Variants in DTWD2 observed in about 807,000 individuals in gnomAD.
The protein encoded by DTWD2 is DTW motif tRNA-uridine aminocarboxypropyltransferase 2.
A neutral mutation model predicts 31.8 loss-of-function variants in DTWD2; 39 were observed. The observed-to-expected ratio is 1.22, with a 90% CI of 0.95 to 1.60. The LOEUF (loss-of-function observed/expected upper bound fraction) is 1.60. DTWD2 is among the 40% of genes most tolerant of loss of function. DTWD2 has a pLI of 0.00. For missense variants in DTWD2, 515 were observed against 381.5 expected (o/e 1.35, Z -2.92); for synonymous variants, 180 against 142.8 (o/e 1.26, Z -1.86).
chr5:118,909,217 T>C (rs763196938), intron 4 of DTWD2, among the ~76,000 whole-genome samples: 3 of 152,208 alleles, frequency 2.0e-5, no homozygotes, highest in East Asian at 3.9e-4. Flanking sequence ...ATCAACCACA[T>C]GGCAGGTTGT....
intron 1 of DTWD2, among the ~76,000 whole-genome samples, chr5:118,960,214 A>T (rs1754676030): frequency 6.6e-6 from 1 of 152,236 alleles, no homozygotes; most frequent in Admixed American, 6.5e-5. Context: ...AATATTCAGA[A>T]TCTACAAGAA....
At chr5:118,883,133 T>G (rs980209703) in intron 4 of DTWD2, among the ~76,000 whole-genome samples, 2 of 152,238 alleles carry the variant, frequency 1.3e-5, no homozygotes, top group Admixed American at 1.3e-4. Flanking sequence ...CTAAATCATC[T>G]CTTTCAAGTT....
At chr5:118,866,183 A>G (rs1388349780) in intron 4 of DTWD2, among the ~76,000 whole-genome samples, 1 of 152,144 alleles carries the variant, frequency 6.6e-6, no homozygotes, top group Non-Finnish European at 1.5e-5. Context: ...TCCCACTTAA[A>G]ATTAATTAGT....
intron 4 of DTWD2, among the ~76,000 whole-genome samples, chr5:118,903,779 C>T (rs1041948796): frequency 2.6e-5 from 4 of 151,650 alleles, no homozygotes; most frequent in Admixed American, 6.6e-5. Flanking sequence ...GCAACAAAAG[C>T]GAAATAATAA....
chr5:118,973,722 A>T, intron 1 of DTWD2: 6 of 1,562,348 alleles, frequency 3.8e-6, no homozygotes, highest in Non-Finnish European at 5.2e-6. Context: ...GGACTCCGGC[A>T]GCTTTATCGC....
rs904056001 is a variant in DTWD2 at position 118,926,710 on chromosome 5, A to AT, written c.597+1826dup. On this transcript the variant is annotated intron_variant, in intron 4 of 5. Transcript: ENST00000510708. ...CCCCTTTTGTTCAAAAAAGAAAGTG[A>AT]TTTTTTTTTTTGGAGACAGGGTCTC... Among the ~76,000 whole-genome samples, 237 of 147,852 alleles carry AT rather than the reference A, an allele frequency of 1.6e-3. 3 individuals are homozygous for AT. Among genetic ancestry groups the AT allele is most frequent in the South Asian group, 0.012 (58 of 4,682 alleles).
chr5:118,959,377 G>GTATTAA (rs1754659122), intron 1 of DTWD2, among the ~76,000 whole-genome samples: 2 of 151,984 alleles, frequency 1.3e-5, no homozygotes, highest in Admixed American at 1.3e-4. Flanking sequence ...AAATACTTAG[G>GTATTAA]AATATAGCTA....
chr5:118,942,828 G>T (rs115602311), intron 2 of DTWD2, among the ~76,000 whole-genome samples: 1,536 of 151,668 alleles, frequency 0.01, 24 homozygotes, highest in African/African-American at 0.035. Context: ...TTTAAGATAG[G>T]GTCTTGCTGT....
At chr5:118,976,391 G>A (rs1010260984) in intron 1 of DTWD2, among the ~76,000 whole-genome samples, 2 of 152,170 alleles carry the variant, frequency 1.3e-5, no homozygotes, top group Non-Finnish European at 2.9e-5. Context: ...AAAAATCTAT[G>A]ACTCCAGGAG....
intron 4 of DTWD2, among the ~76,000 whole-genome samples, chr5:118,917,366 A>C (rs1361817938): frequency 6.6e-6 from 1 of 152,200 alleles, no homozygotes; most frequent in Non-Finnish European, 1.5e-5. Context: ...AACAATAGGG[A>C]AGGGAAAAAG....
chr5:118,910,268 C>T (rs1031867017), intron 4 of DTWD2, among the ~76,000 whole-genome samples: 19 of 152,196 alleles, frequency 1.2e-4, no homozygotes, highest in African/African-American at 2.2e-4. Flanking sequence ...CTCAACACTT[C>T]GCTTAGAGAT....
intron 4 of DTWD2, among the ~76,000 whole-genome samples, chr5:118,918,334 AT>A (rs1194855500): frequency 8.0e-5 from 12 of 149,360 alleles, no homozygotes; most frequent in Admixed American, 1.3e-4. Context: ...GTTTTTTTTT[AT>A]TTTTTTTTTG....
intron 4 of DTWD2, among the ~76,000 whole-genome samples, chr5:118,913,222 C>G (rs1753497757): frequency 6.6e-6 from 1 of 151,882 alleles, no homozygotes; most frequent in Admixed American, 6.6e-5. Context: ...GGGCCAGGGA[C>G]ATGGCTCATT....
chr5:118,939,218 C>A lies in DTWD2; in HGVS notation c.382G>T (p.Gly128Cys), dbSNP rs200486968. Residue 128 changes from glycine to cysteine, a missense_variant, in exon 3 of 6, where the codon GGT becomes TGT. Physicochemically the swap from Gly to Cys is radical, Grantham distance 159 (BLOSUM62 -3). Coordinates refer to ENST00000510708, the MANE Select transcript of DTWD2 (RefSeq NM_173666.4). ...LPQDKCKVKI[G>C]RRFSEERDPE... is the part of the protein sequence containing the mutation. ...TACCTTTCTTCACTGAAGCGACGAC[C>A]GATCTTCACTTTACACTTGTCCTGG... 1.6e-5 allele frequency: 26 copies of A among 1,604,800 alleles called. No individual in the cohort carries two copies. The highest frequency in any genetic ancestry group is 2.0e-5 in the Non-Finnish European group (24 of 1,175,164).
chr5:118,858,473 T>C (rs1752188168), intron 4 of DTWD2, among the ~76,000 whole-genome samples: 1 of 152,212 alleles, frequency 6.6e-6, no homozygotes, highest in Non-Finnish European at 1.5e-5. Context: ...TGTTTTAGAA[T>C]AGCATGTGAG....
At chr5:118,865,985 CGTGTGTCTGCGTGTGTGTGTGTGTGTGT>C (rs1261852413) in intron 4 of DTWD2, among the ~76,000 whole-genome samples, 2 of 150,248 alleles carry the variant, frequency 1.3e-5, no homozygotes, top group Admixed American at 1.3e-4. Context: ...AAAAGAGGTA[CGTGTGTCTGCGTGTGTGTGTGTGTGTGT>C]GTGTGTCTGT....
intron 4 of DTWD2, among the ~76,000 whole-genome samples, chr5:118,856,112 T>G (rs749702355): frequency 6.6e-6 from 1 of 152,156 alleles, no homozygotes; most frequent in African/African-American, 2.4e-5. Flanking sequence ...CGGATGTCCA[T>G]AATAAAACAG....
intron 4 of DTWD2, among the ~76,000 whole-genome samples, chr5:118,885,334 TC>T (rs1752837440): frequency 6.6e-6 from 1 of 150,830 alleles, no homozygotes; most frequent in Admixed American, 6.6e-5. Flanking sequence ...GCACCTGCAG[TC>T]CCAGCTATCA....
intron 4 of DTWD2, among the ~76,000 whole-genome samples, chr5:118,889,018 A>C (rs1336441616): frequency 6.6e-6 from 1 of 152,146 alleles, no homozygotes; most frequent in Non-Finnish European, 1.5e-5. Flanking sequence ...TAATTCCTTG[A>C]AGACATTTCT....
Sources: allele counts gnomAD v4.1 joint callset (sites outside exome capture counted in the v4.1 genomes callset), GRCh38; gene constraint gnomAD v4.1.1; transcripts MANE v1.5; gene names NCBI Gene and HGNC (gene_info 2026-07-23, HGNC 2026-07-21).